Variants in NDE1 observed in about 807,000 individuals in gnomAD.
NDE1 encodes nuclear distribution protein nudE homolog 1.
In NDE1, 28 loss-of-function variants were observed where a neutral mutation model predicts 43.4. The ratio of observed to expected loss-of-function variants is 0.65; its 90% CI spans 0.48 to 0.89. The LOEUF (loss-of-function observed/expected upper bound fraction) is 0.89, where lower values mean the gene tolerates loss of function less well. Among genes scored for constraint, NDE1 ranks in the 40% least tolerant of loss-of-function variants. The pLI is 0.00. For missense variants in NDE1, 441 were observed against 434.1 expected (o/e 1.02, Z -0.14); for synonymous variants, 184 against 172.0 (o/e 1.07, Z -0.55).
At position 15,651,994 on chromosome 16, in the gene NDE1, GT is replaced by G. The variant is rs1254862787; in HGVS notation, c.-44+1701del. Reference sequence around the variant, plus strand: ...ATGATCTCGACTCACTGCAACCTCAGTCCTCCGGGTTCAAGTGATTCTTCTG... The same window carrying G: ...ATGATCTCGACTCACTGCAACCTCAGCCTCCGGGTTCAAGTGATTCTTCTG... On this transcript the variant is annotated intron_variant, in intron 1 of 8. Transcript: ENST00000396354. The G allele has an allele frequency of 5.9e-5, 9 of 152,044 alleles. No individual in the cohort carries two copies. The East Asian group carries it at 1.7e-3, about 30-fold the overall frequency. 9.4% of individuals were successfully genotyped at this position (152,044 alleles called of 1,614,324 possible).
rs1239732190 is a variant in NDE1 at position 15,725,004 on chromosome 16, A to G, written c.*753A>G. The G allele has an allele frequency of 6.2e-6, 10 of 1,612,326 alleles. No homozygotes were observed. Among genetic ancestry groups the G allele is most frequent in the Non-Finnish European group, 8.5e-6 (10 of 1,178,838 alleles). On this transcript the variant is annotated 3_prime_UTR_variant, in exon 9 of 9. Coordinates refer to ENST00000396354, the MANE Select transcript of NDE1 (RefSeq NM_017668.3). The stretch of plus-strand genomic sequence containing the variant: ...CTCTCAACTTCATTCTAAGGGTGCC[A>G]AGAGACTGGTTAGTCAAAGCCTCTA...
chr16:15,683,597 C>T (rs1416087032), intron 4 of NDE1, among the ~76,000 whole-genome samples: 3 of 152,164 alleles, frequency 2.0e-5, no homozygotes, highest in African/African-American at 7.2e-5. Flanking sequence ...CCACCCGCCT[C>T]AGCCTCCCAA....
At chr16:15,719,847 G>T in intron 8 of NDE1, 2 of 1,322,372 alleles carry the variant, frequency 1.5e-6, no homozygotes, top group South Asian at 1.2e-5. Context: ...GCACGAGCAT[G>T]GCTCTCAGTT....
intron 8 of NDE1, among the ~76,000 whole-genome samples, chr16:15,712,393 T>G (rs1002931682): frequency 1.3e-5 from 2 of 152,108 alleles, no homozygotes. Context: ...TCCATGCCTG[T>G]AATCCCAGCA....
At chr16:15,711,896 T>C (rs1364887046) in intron 8 of NDE1, among the ~76,000 whole-genome samples, 1 of 152,194 alleles carries the variant, frequency 6.6e-6, no homozygotes, top group Non-Finnish European at 1.5e-5. Context: ...TTTCACCATG[T>C]TGGTCAGGCT....
chr16:15,688,992 C>A (rs1250730829), intron 5 of NDE1, among the ~76,000 whole-genome samples: 1 of 152,066 alleles, frequency 6.6e-6, no homozygotes, highest in African/African-American at 2.4e-5. Flanking sequence ...GTCACTGTTG[C>A]TGGCCCAATT....
intron 3 of NDE1, among the ~76,000 whole-genome samples, chr16:15,671,640 A>C (rs774697930): frequency 6.6e-6 from 1 of 152,144 alleles, no homozygotes; most frequent in Non-Finnish European, 1.5e-5. Flanking sequence ...ATTTGTTAAC[A>C]GCTGAACACC....
chr16:15,644,878 G>A (rs943535774), intron 1 of NDE1, among the ~76,000 whole-genome samples: 8 of 150,040 alleles, frequency 5.3e-5, no homozygotes, highest in Non-Finnish European at 8.9e-5. Flanking sequence ...ATAGTTTTTA[G>A]CCAGAAAACA....
intron 8 of NDE1, chr16:15,699,634 C>T (rs953819647): frequency 1.0e-5 from 13 of 1,272,364 alleles, no homozygotes; most frequent in Non-Finnish European, 1.3e-5. Flanking sequence ...CTGCTCCTGA[C>T]TCTTGATGTT....
rs1338186559 is a variant in NDE1 at position 15,705,925 on chromosome 16, C to T, written c.947+9065C>T. Among the ~76,000 whole-genome samples the T allele has an allele frequency of 2.2e-5, 3 of 135,322 alleles. No homozygotes were observed. The South Asian group carries it at 7.0e-4, about 32-fold the overall frequency. The allele number at this position is 135,322 out of a possible 152,430, so 88.8% of individuals were successfully genotyped here. On this transcript the variant is annotated intron_variant, in intron 8 of 8. Coordinates refer to ENST00000396354, the MANE Select transcript of NDE1 (RefSeq NM_017668.3). ...ACATGAACCCAGGAGGCGGAGCTTGCAGTGAGCCGAGATGTGGCCACTGCA... is the reference window on the plus strand; with the variant it reads ...ACATGAACCCAGGAGGCGGAGCTTGTAGTGAGCCGAGATGTGGCCACTGCA...
At chr16:15,694,983 C>A (rs1334625283) in intron 7 of NDE1, 4 of 873,284 alleles carry the variant, frequency 4.6e-6, no homozygotes, top group Non-Finnish European at 5.5e-6. Flanking sequence ...CCAGCCCGGG[C>A]AACATGGTGA....
chr16:15,707,975 A>C (rs900177578), intron 8 of NDE1, among the ~76,000 whole-genome samples: 5 of 151,298 alleles, frequency 3.3e-5, no homozygotes, highest in African/African-American at 4.9e-5. Context: ...AAAAAAAAAA[A>C]AAAAGCAAAA....
chr16:15,686,271 C>T (rs2038434385), intron 4 of NDE1: 1 of 734,886 alleles, frequency 1.4e-6, no homozygotes, highest in Admixed American at 6.3e-5. Context: ...TTCTTGCCAC[C>T]CCTTCCCCAC....
chr16:15,694,335 T>A, intron 7 of NDE1, 79 bp downstream of exon 7: 1 of 1,567,328 alleles, frequency 6.4e-7, no homozygotes, highest in Non-Finnish European at 8.6e-7. Flanking sequence ...TCTAGTTCCT[T>A]CCCTCTCTTC....
intron 3 of NDE1, among the ~76,000 whole-genome samples, chr16:15,670,010 C>G (rs1188841766): frequency 6.6e-6 from 1 of 152,324 alleles, no homozygotes; most frequent in South Asian, 2.1e-4. Flanking sequence ...GAGACTGGCT[C>G]TCAGCCTTAG....
At chr16:15,717,841 C>T (rs773702638) in intron 8 of NDE1, 19 of 259,226 alleles carry the variant, frequency 7.3e-5, no homozygotes, top group Middle Eastern at 1.4e-3. Context: ...CCAGGCTGAG[C>T]GAGTGACTTG....
Position 15,679,467 on chromosome 16 carries a change from C to G in NDE1, c.386+1518C>G, listed in dbSNP as rs546084727. On this transcript the variant is annotated intron_variant, in intron 4 of 8. Coordinates refer to ENST00000396354, the MANE Select transcript of NDE1 (RefSeq NM_017668.3). The stretch of plus-strand genomic sequence containing the variant: ...TTCAAATTGAATAATTTCTGTTTAT[C>G]CAGTTTCAAGTTGATAGACGCCCTC... Among the ~76,000 whole-genome samples, 3 of 152,196 alleles carry G rather than the reference C, an allele frequency of 2.0e-5. No individual in the cohort carries two copies. The South Asian group carries it at 6.2e-4, about 32-fold the overall frequency.
At chr16:15,682,045 C>A (rs571840944) in intron 4 of NDE1, among the ~76,000 whole-genome samples, 12 of 152,212 alleles carry the variant, frequency 7.9e-5, no homozygotes, top group African/African-American at 2.9e-4. Context: ...TTTTTTCTTT[C>A]TTTTCTATTT....
intron 3 of NDE1, among the ~76,000 whole-genome samples, chr16:15,670,732 G>A (rs1008046479): frequency 2.0e-5 from 3 of 152,000 alleles, no homozygotes; most frequent in East Asian, 3.9e-4. Flanking sequence ...GTTTGTAGGT[G>A]TATGTGTTGC....
Sources: allele counts gnomAD v4.1 joint callset (sites outside exome capture counted in the v4.1 genomes callset), GRCh38; gene constraint gnomAD v4.1.1; transcripts MANE v1.5; gene names NCBI Gene and HGNC (gene_info 2026-07-23, HGNC 2026-07-21).